GARNL3: variants seen among roughly 807,000 people sequenced by gnomAD.
GARNL3 encodes GTPase-activating Rap/Ran-GAP domain-like protein 3.
Under a neutral mutation model 125.0 loss-of-function variants are expected in GARNL3, and 63 were observed. The ratio of observed to expected loss-of-function variants is 0.50; its 90% CI spans 0.41 to 0.62. The LOEUF (loss-of-function observed/expected upper bound fraction) is 0.62. GARNL3 is among the 20% of genes least tolerant of loss of function. The probability of loss-of-function intolerance (pLI) is 0.00; values close to 1 mark genes in which losing one functional copy is unlikely to be tolerated. For missense variants in GARNL3, 994 were observed against 1,244.0 expected, an observed-to-expected ratio of 0.80 and a Z score of 3.02; for synonymous variants, 439 against 457.5, an observed-to-expected ratio of 0.96 and a Z score of 0.52.
intron 23 of GARNL3, 57 bp downstream of exon 23, chr9:127,383,602 G>A (rs1362777463): frequency 6.0e-6 from 7 of 1,172,404 alleles, no homozygotes; most frequent in Non-Finnish European, 7.5e-6. Context: ...CTGAACTATT[G>A]TAAGCAAATC....
At chr9:127,243,322 G>C in intron 2 of GARNL3, 1 of 1,242,610 alleles carries the variant, frequency 8.0e-7, no homozygotes, top group Non-Finnish European at 1.1e-6. Flanking sequence ...TTAATGTTTA[G>C]GAAGAATATA....
At chr9:127,271,915 G>C (rs997457772) in intron 1 of GARNL3, among the ~76,000 whole-genome samples, 3 of 150,226 alleles carry the variant, frequency 2.0e-5, no homozygotes, top group African/African-American at 7.6e-5. Flanking sequence ...GATGAGCCAC[G>C]TGCATGCTCC....
chr9:127,353,742 G>T (rs1323914105), intron 17 of GARNL3, 104 bp from the exon 18 acceptor site: 4 of 784,270 alleles, frequency 5.1e-6, no homozygotes, highest in Non-Finnish European at 9.3e-6. Context: ...TTCCTTCCTT[G>T]CCTAGAGATA....
chr9:127,250,122 A>G (rs1383417934), intron 2 of GARNL3, among the ~76,000 whole-genome samples: 1 of 152,240 alleles, frequency 6.6e-6, no homozygotes, highest in Non-Finnish European at 1.5e-5. Flanking sequence ...ATTTGTGTAA[A>G]AAAAGGGGAA....
At chr9:127,335,188 C>T (rs367798041) in intron 9 of GARNL3, 42 bp from the exon 10 acceptor site, 39 of 1,375,024 alleles carry the variant, frequency 2.8e-5, no homozygotes, top group Middle Eastern at 3.6e-4. Context: ...CCTTTTGGCT[C>T]GAATTCTCTG....
At position 127,384,950 on chromosome 9, in the gene GARNL3, G is replaced by T. The variant is rs1832461301; in HGVS notation, c.2270-77G>T. ...GATGGAAGTTTCTAGAGAAGTGAGT[G>T]TGACTATGACACAGTCACAGCCCCT... On this transcript the variant is annotated intron_variant, in intron 23 of 27. Coordinates refer to ENST00000373387, the MANE Select transcript of GARNL3 (RefSeq NM_032293.5). The surrounding 1 kb of genome is among the most constrained non-coding windows in gnomAD (Gnocchi z 4.0). 1.4e-6 allele frequency: 1 copy of T among 726,492 alleles called. No homozygotes were observed. The highest frequency in any genetic ancestry group is 2.3e-6 in the Non-Finnish European group (1 of 435,416). 45.0% of individuals were successfully genotyped at this position (726,492 alleles called of 1,614,324 possible).
chr9:127,274,719 A>C (rs2063909335), intron 1 of GARNL3, among the ~76,000 whole-genome samples: 2 of 152,224 alleles, frequency 1.3e-5, no homozygotes. Flanking sequence ...CCCCTGATGT[A>C]TATAAAAACA....
exon 2 of GARNL3, chr9:127,243,229 A>G (rs370405506): frequency 7.3e-7 from 1 of 1,366,488 alleles, no homozygotes; most frequent in Non-Finnish European, 9.8e-7. Context: ...AAGACCCTGA[A>G]CTAGAGTCCC....
chr9:127,238,104 G>T (rs1351745687), intron 1 of GARNL3, among the ~76,000 whole-genome samples: 2 of 152,178 alleles, frequency 1.3e-5, no homozygotes, highest in South Asian at 2.1e-4. Flanking sequence ...ACCTGCCTTA[G>T]CCTCCTGAGT....
At chr9:127,323,866 G>A (rs2065481335) in intron 6 of GARNL3, among the ~76,000 whole-genome samples, 1 of 152,180 alleles carries the variant, frequency 6.6e-6, no homozygotes, top group Non-Finnish European at 1.5e-5. Context: ...CATGGAAAGA[G>A]AGAATTTTGT....
intron 20 of GARNL3, among the ~76,000 whole-genome samples, chr9:127,355,699 T>C (rs1375160481): frequency 1.3e-5 from 2 of 152,220 alleles, no homozygotes; most frequent in Admixed American, 6.5e-5. Context: ...GACACAGCGA[T>C]GACCAAAACA....
In GARNL3 at chr9:127,388,902, A is replaced by AG; in HGVS notation, c.2528dup. 2 of 1,549,604 alleles carry AG rather than the reference A, an allele frequency of 1.3e-6. No homozygotes were observed. The highest frequency in any genetic ancestry group is 1.8e-6 in the Non-Finnish European group (2 of 1,120,972). Reference sequence around the variant, plus strand: ...GATGTTCTTTTTGAAATCACATTTCAGGTGAAATTCAATCAAAAAATCTGT... The same window carrying AG: ...GATGTTCTTTTTGAAATCACATTTCAGGGTGAAATTCAATCAAAAAATCTGT... On this transcript the variant is annotated splice_acceptor_variant, in intron 25 of 27. Coordinates refer to ENST00000373387, the MANE Select transcript of GARNL3 (RefSeq NM_032293.5). LOFTEE classifies it high-confidence loss of function.
At position 127,385,158 on chromosome 9, in the gene GARNL3, G is replaced by C; in HGVS notation, c.2388+13G>C. On this transcript the variant is annotated intron_variant, in intron 24 of 27. Transcript: ENST00000373387. The surrounding 1 kb of genome is among the most constrained non-coding windows in gnomAD (Gnocchi z 4.1). ...GGTGGCCTCCAGGGTGAGTAGGACT[G>C]GGATTTTATCTCTGAGTGGTTTGGG... 1 of 1,551,820 alleles carries C rather than the reference G, an allele frequency of 6.4e-7. No homozygotes were observed. The highest frequency in any genetic ancestry group is 8.8e-7 in the Non-Finnish European group (1 of 1,133,632).
At chr9:127,307,788 A>G (rs1027640293) in intron 2 of GARNL3, among the ~76,000 whole-genome samples, 22 of 152,336 alleles carry the variant, frequency 1.4e-4, no homozygotes, top group African/African-American at 5.1e-4. Flanking sequence ...TCAAGTAAAT[A>G]AAAGTTTTAG....
Position 127,313,505 on chromosome 9 carries a change from T to A in GARNL3, c.384T>A (p.Ser128=), listed in dbSNP as rs1262682036. The change falls in exon 4 of 28, where the codon TCT becomes TCA. Residue 128 remains serine (S), a synonymous_variant. Transcript: ENST00000373387. ...CTTTCTTCTTGTCCGTGACCCTTTC[T>A]GACCAAAACAATCAACGTGTCCCTC... The part of the protein sequence containing the change: ...KSPFFLSVTL[S]DQNNQRVPQY... The A allele has an allele frequency of 6.2e-7, 1 of 1,614,170 alleles. No homozygotes were observed. Among genetic ancestry groups the A allele is most frequent in the South Asian group, 1.1e-5 (1 of 91,086 alleles).
chr9:127,323,511 T>A (rs755239292), intron 6 of GARNL3, among the ~76,000 whole-genome samples: 1 of 152,202 alleles, frequency 6.6e-6, no homozygotes, highest in African/African-American at 2.4e-5. Context: ...AGGAGCAGCC[T>A]CTATTACCAG....
chr9:127,298,101 A>T (rs2779721), intron 2 of GARNL3, among the ~76,000 whole-genome samples: 125,073 of 152,244 alleles, frequency 0.82, 52,016 homozygotes, highest in African/African-American at 0.95. Flanking sequence ...ACAGCGATGA[A>T]AATAAATGTC....
At chr9:127,370,332 G>A (rs1426420165) in intron 22 of GARNL3, among the ~76,000 whole-genome samples, 2 of 152,152 alleles carry the variant, frequency 1.3e-5, no homozygotes, top group African/African-American at 4.8e-5. Context: ...GAAATATCAG[G>A]AGTTTAAAAA....
intron 1 of GARNL3, among the ~76,000 whole-genome samples, chr9:127,276,380 A>ATT (rs1554897934): frequency 6.9e-4 from 94 of 136,878 alleles, no homozygotes; most frequent in African/African-American, 1.9e-3. Context: ...CCTTCTCAGC[A>ATT]TTTTTTTTTT....
Sources: gnomAD v4.1 joint callset for allele counts (sites outside exome capture counted in the v4.1 genomes callset) on GRCh38, gnomAD v4.1.1 for gene constraint, Gnocchi (gnomAD v3.1) non-coding constraint, MANE v1.5 for transcripts, NCBI Gene and HGNC (gene_info 2026-07-23, HGNC 2026-07-21) for gene names.